GRAMD1B: variants seen among roughly 807,000 people sequenced by gnomAD.
GRAMD1B encodes protein Aster-B.
A neutral mutation model predicts 99.7 loss-of-function variants in GRAMD1B; 37 were observed. The observed-to-expected ratio is 0.37, with a 90% CI of 0.29 to 0.49. The LOEUF (loss-of-function observed/expected upper bound fraction) is 0.49, where lower values mean the gene tolerates loss of function less well. GRAMD1B is among the 20% of genes least tolerant of loss of function. The pLI is 0.98. For missense variants in GRAMD1B, 888 were observed against 1,009.2 expected (o/e 0.88, Z 1.63); for synonymous variants, 427 against 387.6 (o/e 1.10, Z -1.19).
rs189484711 is a variant in GRAMD1B, at chr11:123,587,473, G to T, written c.684+3141G>T. On this transcript the variant is annotated intron_variant, in intron 4 of 19. Transcript: ENST00000635736. This position sits in a 1 kb window ranked among gnomAD's most constrained non-coding sequence, Gnocchi z 4.2. ...GAAATAGGGTTTTGCCTTCAGCAGG[G>T]AGCCAAGGGCAGAGTTGAGGGGCAA... Among the ~76,000 whole-genome samples the T allele has an allele frequency of 2.6e-3, 389 of 152,360 alleles. 9 individuals are homozygous for T. The highest frequency in any genetic ancestry group is 8.5e-4 in the Non-Finnish European group (58 of 68,044).
intron 2 of GRAMD1B, among the ~76,000 whole-genome samples, chr11:123,483,238 G>A (rs1951706506): frequency 1.3e-5 from 2 of 152,118 alleles, no homozygotes; most frequent in Admixed American, 6.5e-5. Flanking sequence ...AGTGACTAAC[G>A]GGTGGGGCAT....
chr11:123,594,620 G>A lies in GRAMD1B; in HGVS notation c.770-115G>A, dbSNP rs142802158. 3.2e-3 allele frequency: 2,158 copies of A among 669,538 alleles called. 17 individuals are homozygous for A. The highest frequency in any genetic ancestry group is 0.017 in the Admixed American group (735 of 44,292). The allele number at this position is 669,538 out of a possible 1,614,324, so 41.5% of individuals were successfully genotyped here. The stretch of plus-strand genomic sequence containing the variant: ...TTCAAGTGTCTGGCACCCCTTGTCC[G>A]TGGTGGGCATTGGGCTCCCCCAGTG... On this transcript the variant is annotated intron_variant, in intron 5 of 19. Transcript: ENST00000635736.
chr11:123,500,136 C>G lies in GRAMD1B; in HGVS notation c.452+19243C>G, dbSNP rs144835100. Among the ~76,000 whole-genome samples, 3 of 152,120 alleles carry G rather than the reference C, an allele frequency of 2.0e-5. No individual in the cohort carries two copies. The South Asian group carries it at 6.2e-4, about 32-fold the overall frequency. Reference sequence around the variant, plus strand: ...TGAGGTTCGAGACTAGCCTGGCCAACGTGGTGAAACCCCGTCTCTACTAAA... The same window carrying G: ...TGAGGTTCGAGACTAGCCTGGCCAAGGTGGTGAAACCCCGTCTCTACTAAA... On this transcript the variant is annotated intron_variant, in intron 2 of 19. Coordinates refer to ENST00000635736, the MANE Select transcript of GRAMD1B (RefSeq NM_001387025.1).
At chr11:123,457,863 C>G (rs573672884) in intron 1 of GRAMD1B, among the ~76,000 whole-genome samples, 27 of 152,090 alleles carry the variant, frequency 1.8e-4, no homozygotes, top group African/African-American at 6.5e-4. Context: ...TACAGGCATG[C>G]ACCACCGCAC....
intron 3 of GRAMD1B, among the ~76,000 whole-genome samples, chr11:123,579,377 G>A (rs9651699): frequency 0.013 from 2,052 of 152,308 alleles, 39 homozygotes; most frequent in African/African-American, 0.047. Flanking sequence ...CACAAGGGGC[G>A]ACACGGCTAA....
rs1014337243 is a variant in GRAMD1B, at chr11:123,436,226, C to G, written c.374+5060C>G. The stretch of plus-strand genomic sequence containing the variant: ...AAAGTGCTGGGATTACAGGCATGAA[C>G]CACTGTGCCTGACTGAAACTCATAC... On this transcript the variant is annotated intron_variant, in intron 1 of 19. Coordinates refer to ENST00000635736, the MANE Select transcript of GRAMD1B (RefSeq NM_001387025.1). 1.1e-4 allele frequency among the ~76,000 whole-genome samples: 16 copies of G among 152,234 alleles called. 1 individual carries two copies. The highest frequency in any genetic ancestry group is 1.0e-3 in the Admixed American group (16 of 15,282).
At chr11:123,462,036 G>A (rs1950446658) in intron 1 of GRAMD1B, among the ~76,000 whole-genome samples, 1 of 140,296 alleles carries the variant, frequency 7.1e-6, no homozygotes, top group African/African-American at 2.7e-5. Context: ...GCACGGTCTT[G>A]GCTCACTGCA....
At chr11:123,560,075 C>A (rs369549406) in intron 2 of GRAMD1B, among the ~76,000 whole-genome samples, 28 of 142,248 alleles carry the variant, frequency 2.0e-4, no homozygotes, top group African/African-American at 7.4e-4. Flanking sequence ...ACCCCCCCCC[C>A]CGCAGCCCCA....
intron 3 of GRAMD1B, among the ~76,000 whole-genome samples, chr11:123,578,731 G>A (rs893724319): frequency 3.3e-5 from 5 of 152,154 alleles, no homozygotes; most frequent in Admixed American, 6.5e-5. Context: ...TACATGGTGC[G>A]GTCGAGAAAC....
chr11:123,552,894 A>T (rs1399058877), intron 2 of GRAMD1B, among the ~76,000 whole-genome samples: 1 of 152,226 alleles, frequency 6.6e-6, no homozygotes, highest in East Asian at 1.9e-4. Context: ...ATTATTAAAC[A>T]AGAGGAAGGA....
In GRAMD1B at chr11:123,610,129, G is replaced by A; in HGVS notation, c.1777-67G>A. ...GGGTGGGGTGGGCTTGGGGAGGCTG[G>A]AGAAGGTGCTTTTCCAAGCTTCTTG... On this transcript the variant is annotated intron_variant, in intron 13 of 19. Transcript: ENST00000635736. The surrounding 1 kb of genome is among the most constrained non-coding windows in gnomAD (Gnocchi z 4.1). 1.3e-6 allele frequency: 2 copies of A among 1,516,944 alleles called. No individual in the cohort carries two copies. The highest frequency in any genetic ancestry group is 1.7e-5 in the Admixed American group (1 of 57,350). 94.0% of individuals were successfully genotyped at this position (1,516,944 alleles called of 1,614,324 possible).
At chr11:123,562,443 C>T (rs1364587111) in intron 2 of GRAMD1B, among the ~76,000 whole-genome samples, 1 of 152,194 alleles carries the variant, frequency 6.6e-6, no homozygotes, top group African/African-American at 2.4e-5. Context: ...GTCTCAGCTA[C>T]TCAATTCTGC....
chr11:123,463,565 G>A (rs1200699214), intron 1 of GRAMD1B, among the ~76,000 whole-genome samples: 8 of 152,202 alleles, frequency 5.3e-5, no homozygotes, highest in Admixed American at 6.5e-5. Flanking sequence ...TCCACCACAC[G>A]GGCAGAGCTA....
intron 2 of GRAMD1B, among the ~76,000 whole-genome samples, chr11:123,568,250 A>G (rs1947620258): frequency 6.6e-6 from 1 of 152,214 alleles, no homozygotes. Context: ...GGCGGAGTGC[A>G]GAAGGAGGTA....
chr11:123,469,700 CTCTT>C (rs1406893967), intron 1 of GRAMD1B, among the ~76,000 whole-genome samples: 1 of 151,662 alleles, frequency 6.6e-6, no homozygotes, highest in Non-Finnish European at 1.5e-5. Context: ...CTTTCCCTTT[CTCTT>C]TCTTTTCTTT....
At chr11:123,433,152 G>A (rs1165341680) in intron 1 of GRAMD1B, among the ~76,000 whole-genome samples, 1 of 152,084 alleles carries the variant, frequency 6.6e-6, no homozygotes, top group Non-Finnish European at 1.5e-5. Flanking sequence ...TGAGGCGGGA[G>A]GGTCACCTGA....
intron 1 of GRAMD1B, among the ~76,000 whole-genome samples, chr11:123,415,899 T>A (rs1343341894): frequency 6.6e-5 from 10 of 152,234 alleles, no homozygotes; most frequent in Non-Finnish European, 1.2e-4. Flanking sequence ...ACAGCCTTTT[T>A]TCAAAAACCA....
intron 2 of GRAMD1B, among the ~76,000 whole-genome samples, chr11:123,526,851 A>AT (rs150191482): frequency 0.034 from 5,192 of 152,216 alleles, 273 homozygotes; most frequent in African/African-American, 0.12. Flanking sequence ...TAGTCAGAAT[A>AT]TTTTTACCTT....
intron 2 of GRAMD1B, among the ~76,000 whole-genome samples, chr11:123,483,044 A>G (rs1348661999): frequency 1.3e-5 from 2 of 152,114 alleles, no homozygotes; most frequent in Admixed American, 6.5e-5. Context: ...TGGAAAAAAA[A>G]AAAAAGAGTT....
Sources: gnomAD v4.1 joint callset for allele counts (sites outside exome capture counted in the v4.1 genomes callset) on GRCh38, gnomAD v4.1.1 for gene constraint, Gnocchi (gnomAD v3.1) non-coding constraint, MANE v1.5 for transcripts, NCBI Gene and HGNC (gene_info 2026-07-23, HGNC 2026-07-21) for gene names.